The following TAFA5 variants were observed in gnomAD, a reference collection of about 807,000 sequenced individuals.
The protein encoded by TAFA5 is chemokine-like protein TAFA-5.
TAFA5 carries 6 observed loss-of-function variants against 15.3 expected under a neutral mutation model. The observed-to-expected ratio is 0.39, with a 90% confidence interval of 0.21 to 0.77. The LOEUF (loss-of-function observed/expected upper bound fraction) is 0.77, where lower values mean the gene tolerates loss of function less well. Ranked by LOEUF, TAFA5 falls within the 30% of genes least tolerant of loss-of-function variation. TAFA5 has a pLI of 0.41. For missense variants in TAFA5, 161 were observed against 193.1 expected (o/e 0.83, Z 0.98); for synonymous variants, 103 against 80.7 (o/e 1.28, Z -1.48).
At chr22:48,670,548 A>G (rs77273273) in intron 2 of TAFA5, among the ~76,000 whole-genome samples, 10,102 of 152,274 alleles carry the variant, frequency 0.066, 620 homozygotes, top group African/African-American at 0.16. Flanking sequence ...CTGAGGCTCT[A>G]GAGAGTGAAA....
chr22:48,593,225 C>A (rs926411919), intron 1 of TAFA5, among the ~76,000 whole-genome samples: 1 of 152,186 alleles, frequency 6.6e-6, no homozygotes, highest in Non-Finnish European at 1.5e-5. Context: ...TCCCCAGCAG[C>A]CTGGTGTATA....
intron 3 of TAFA5, among the ~76,000 whole-genome samples, chr22:48,711,767 T>C (rs1929260629): frequency 6.6e-6 from 1 of 152,220 alleles, no homozygotes; most frequent in African/African-American, 2.4e-5. Flanking sequence ...AGAGCTGGCC[T>C]CCAGCCCAGG....
rs75132303 is a variant in TAFA5, at chr22:48,500,667, G to A, written c.112+10963G>A. ...TTAGCAGGCCTGACTTGCGCTTCCCGTGACGACGTGGCTAATTGGGAAGTG... is the reference window on the plus strand; with the variant it reads ...TTAGCAGGCCTGACTTGCGCTTCCCATGACGACGTGGCTAATTGGGAAGTG... On this transcript the variant is annotated intron_variant, in intron 1 of 3. Transcript: ENST00000402357. Among the ~76,000 whole-genome samples, 15 of 152,348 alleles carry A rather than the reference G, an allele frequency of 9.8e-5. No homozygotes were observed. In the East Asian group the frequency reaches 2.7e-3, roughly 27 times the overall value.
chr22:48,678,503 C>A (rs1052269100), intron 2 of TAFA5, among the ~76,000 whole-genome samples: 1 of 151,498 alleles, frequency 6.6e-6, no homozygotes, highest in African/African-American at 2.4e-5. Flanking sequence ...TCAAACAGGT[C>A]CTTGGAGGGA....
intron 3 of TAFA5, among the ~76,000 whole-genome samples, chr22:48,725,008 T>C (rs1929674870): frequency 6.6e-6 from 1 of 152,226 alleles, no homozygotes; most frequent in South Asian, 2.1e-4. Flanking sequence ...GTTCTTCCGT[T>C]CAGCTCTCAT....
Position 48,542,585 on chromosome 22 carries a change from GGT to G in TAFA5, c.112+52887_112+52888del, listed in dbSNP as rs1429197437. Among the ~76,000 whole-genome samples the G allele has an allele frequency of 1.1e-4, 10 of 87,780 alleles. No homozygotes were observed. The East Asian group carries it at 2.2e-3, about 19-fold the overall frequency. 57.6% of individuals were successfully genotyped at this position (87,780 alleles called of 152,430 possible). ...GTGTGGTGTGTGTGGTGTGTGTGCG[GGT>G]GTGTGGTGTGTATGTGTGTGTGGTG... On this transcript the variant is annotated intron_variant, in intron 1 of 3. Transcript: ENST00000402357.
intron 3 of TAFA5, among the ~76,000 whole-genome samples, chr22:48,739,200 G>A (rs1930111687): frequency 6.6e-6 from 1 of 152,118 alleles, no homozygotes; most frequent in Non-Finnish European, 1.5e-5. Flanking sequence ...TAGCTATGAG[G>A]CAAAGAGAGG....
intron 1 of TAFA5, among the ~76,000 whole-genome samples, chr22:48,576,903 G>T (rs1364924348): frequency 1.3e-5 from 2 of 151,940 alleles, no homozygotes; most frequent in African/African-American, 2.4e-5. Flanking sequence ...CGGTGGCAGC[G>T]GCGCCCGCCC....
intron 1 of TAFA5, among the ~76,000 whole-genome samples, chr22:48,571,405 C>T (rs538688668): frequency 1.3e-5 from 2 of 149,510 alleles, no homozygotes; most frequent in African/African-American, 4.9e-5. Flanking sequence ...ATCTGGAGTA[C>T]CTGGGATTAC....
chr22:48,495,334 G>A (rs1259031418), intron 1 of TAFA5, among the ~76,000 whole-genome samples: 2 of 152,208 alleles, frequency 1.3e-5, no homozygotes, highest in Non-Finnish European at 2.9e-5. Context: ...CTCTCCTGGA[G>A]CTGACATTCC....
chr22:48,581,502 G>A (rs1924039482), intron 1 of TAFA5, among the ~76,000 whole-genome samples: 1 of 152,136 alleles, frequency 6.6e-6, no homozygotes, highest in Non-Finnish European at 1.5e-5. Flanking sequence ...TGGTCTGGAG[G>A]TGGGTGGTTT....
rs982180594 is a variant in TAFA5, at chr22:48,646,862, G to A, written c.262+116G>A. 42 of 1,295,720 alleles carry A rather than the reference G, an allele frequency of 3.2e-5. No homozygotes were observed. The South Asian group carries it at 3.6e-4, about 11-fold the overall frequency. The allele number at this position is 1,295,720 out of a possible 1,614,324, so 80.3% of individuals were successfully genotyped here. A position where few individuals can be genotyped will look rare whatever the true frequency, so the allele number is the denominator to read the frequency against. ...TCCCCCTAGGCCTCAGCGCATCCTC[G>A]GGTCAGGCCCCTGGCTGTTGGCACA... is the stretch of plus-strand genomic sequence containing the variant. On this transcript the variant is annotated intron_variant, in intron 2 of 3. Coordinates refer to ENST00000402357, the MANE Select transcript of TAFA5 (RefSeq NM_001082967.3).
At chr22:48,648,922 T>C (rs1159254709) in intron 2 of TAFA5, among the ~76,000 whole-genome samples, 2 of 152,154 alleles carry the variant, frequency 1.3e-5, no homozygotes, top group Non-Finnish European at 2.9e-5. Context: ...TAGACCCCTC[T>C]AGGGGTTCTC....
intron 1 of TAFA5, among the ~76,000 whole-genome samples, chr22:48,524,446 C>G (rs8135172): frequency 6.6e-6 from 1 of 152,180 alleles, no homozygotes; most frequent in African/African-American, 2.4e-5. Flanking sequence ...TGGTCAGGGA[C>G]GCCCTCCCTG....
In TAFA5 at chr22:48,750,118, G is replaced by A; in HGVS notation, c.*271G>A. On this transcript the variant is annotated 3_prime_UTR_variant, in exon 4 of 4. Coordinates refer to ENST00000402357, the MANE Select transcript of TAFA5 (RefSeq NM_001082967.3). ...GTCTGTGGGAGCCCGGCCGCGCCCA[G>A]CCCCCGCCGACCGTGGCGTTGGCCC... 1 of 510,122 alleles carries A rather than the reference G, an allele frequency of 2.0e-6. No individual in the cohort carries two copies. The highest frequency in any genetic ancestry group is 3.5e-6 in the Non-Finnish European group (1 of 284,184). 31.6% of individuals were successfully genotyped at this position (510,122 alleles called of 1,614,324 possible).
rs1373407176 is a variant in TAFA5, at chr22:48,490,136, G to A, written c.112+432G>A. Among the ~76,000 whole-genome samples, 2 of 152,160 alleles carry A rather than the reference G, an allele frequency of 1.3e-5. No individual in the cohort carries two copies. The highest frequency in any genetic ancestry group is 2.9e-5 in the Non-Finnish European group (2 of 68,010). On this transcript the variant is annotated intron_variant, in intron 1 of 3. Transcript: ENST00000402357. This position sits in a 1 kb window ranked among gnomAD's most constrained non-coding sequence, Gnocchi z 5.8. Reference sequence around the variant, plus strand: ...TGCCTCAGCCCGGGACAAGGGGGGAGGCGGCGGCCGAGCCCGGAGAGGAGC... The same window carrying A: ...TGCCTCAGCCCGGGACAAGGGGGGAAGCGGCGGCCGAGCCCGGAGAGGAGC...
chr22:48,562,727 C>G (rs1453267215), intron 1 of TAFA5, among the ~76,000 whole-genome samples: 1 of 152,190 alleles, frequency 6.6e-6, no homozygotes, highest in East Asian at 1.9e-4. Flanking sequence ...ACAGCCAGGC[C>G]CCCACGCCCA....
At chr22:48,551,285 C>A (rs1209144363) in intron 1 of TAFA5, among the ~76,000 whole-genome samples, 1 of 152,112 alleles carries the variant, frequency 6.6e-6, no homozygotes, top group Non-Finnish European at 1.5e-5. Flanking sequence ...CGTCTGAGCT[C>A]GGGGAGGAAA....
chr22:48,651,932 G>A (rs1446278746), intron 2 of TAFA5, among the ~76,000 whole-genome samples: 2 of 152,216 alleles, frequency 1.3e-5, no homozygotes, highest in African/African-American at 4.8e-5. Flanking sequence ...CCTGGGCTGT[G>A]GGTCCTGGCA....
Sources: allele counts gnomAD v4.1 joint callset (sites outside exome capture counted in the v4.1 genomes callset), GRCh38; gene constraint gnomAD v4.1.1; non-coding constraint Gnocchi (gnomAD v3.1); transcripts MANE v1.5; gene names NCBI Gene and HGNC (gene_info 2026-07-23, HGNC 2026-07-21).